The following PCDH9 variants were observed in gnomAD, a reference collection of about 807,000 sequenced individuals.
PCDH9 encodes protocadherin 9, also known as protocadherin-9.
In PCDH9, 24 loss-of-function variants were observed where a neutral mutation model predicts 70.6. That is an observed-to-expected ratio of 0.34 (90% confidence interval 0.25 to 0.48). The LOEUF (loss-of-function observed/expected upper bound fraction) is 0.48, where lower values mean the gene tolerates loss of function less well. PCDH9 is among the 20% of genes least tolerant of loss of function. PCDH9 has a pLI of 0.99. For synonymous variants in PCDH9, 562 were observed against 558.5 expected (o/e 1.01, Z -0.09); for missense variants, 1,281 against 1,503.6 (o/e 0.85, Z 2.45).
At chr13:67,024,970 G>A (rs2084750806) in intron 2 of PCDH9, among the ~76,000 whole-genome samples, 1 of 152,052 alleles carries the variant, frequency 6.6e-6, no homozygotes, top group South Asian at 2.1e-4. Flanking sequence ...TAACCAATAT[G>A]TATGTCACAA....
At chr13:66,802,307 T>C (rs2080339609) in intron 3 of PCDH9, among the ~76,000 whole-genome samples, 1 of 152,040 alleles carries the variant, frequency 6.6e-6, no homozygotes, top group Non-Finnish European at 1.5e-5. Flanking sequence ...ATATAATATG[T>C]TGTGAACAGT....
At chr13:66,597,738 A>G (rs1369087714) in intron 4 of PCDH9, among the ~76,000 whole-genome samples, 7 of 151,790 alleles carry the variant, frequency 4.6e-5, no homozygotes, top group Non-Finnish European at 1.0e-4. Flanking sequence ...TGAGACTACA[A>G]CAAACTAAAA....
intron 3 of PCDH9, among the ~76,000 whole-genome samples, chr13:66,896,946 C>T (rs2082190446): frequency 6.6e-6 from 1 of 152,166 alleles, no homozygotes; most frequent in African/African-American, 2.4e-5. Flanking sequence ...TGATCATTCA[C>T]TTTGTAAACT....
At chr13:66,973,939 T>G (rs1033830692) in intron 2 of PCDH9, among the ~76,000 whole-genome samples, 3 of 152,034 alleles carry the variant, frequency 2.0e-5, no homozygotes, top group African/African-American at 7.2e-5. Flanking sequence ...TTTGTTTAGT[T>G]ACAATAGAAT....
chr13:66,737,734 C>T (rs1019662602), intron 3 of PCDH9, among the ~76,000 whole-genome samples: 7 of 152,136 alleles, frequency 4.6e-5, no homozygotes, highest in Non-Finnish European at 1.0e-4. Flanking sequence ...AAAGGGGTGA[C>T]GGACGCACCT....
intron 2 of PCDH9, among the ~76,000 whole-genome samples, chr13:67,097,985 C>G (rs1222759392): frequency 6.6e-6 from 1 of 152,152 alleles, no homozygotes; most frequent in Non-Finnish European, 1.5e-5. Context: ...AGCAGTTCTT[C>G]AAAGACCATT....
At chr13:66,752,008 A>T (rs1402776215) in intron 3 of PCDH9, among the ~76,000 whole-genome samples, 1 of 152,188 alleles carries the variant, frequency 6.6e-6, no homozygotes, top group Non-Finnish European at 1.5e-5. Context: ...ATTTACTATG[A>T]TTAAGGAGAC....
intron 3 of PCDH9, among the ~76,000 whole-genome samples, chr13:66,668,774 A>G (rs2078131637): frequency 6.6e-6 from 1 of 152,250 alleles, no homozygotes; most frequent in East Asian, 1.9e-4. Flanking sequence ...GCAAAGATAT[A>G]TGTTGAAGGT....
At chr13:66,800,791 T>C (rs762379508) in intron 3 of PCDH9, among the ~76,000 whole-genome samples, 1 of 152,102 alleles carries the variant, frequency 6.6e-6, no homozygotes, top group Non-Finnish European at 1.5e-5. Flanking sequence ...TTTACAAACA[T>C]ATTTAACAAT....
chr13:66,859,376 G>A lies in PCDH9; in HGVS notation c.3138+44128C>T, dbSNP rs536261858. Among the ~76,000 whole-genome samples the A allele has an allele frequency of 2.6e-5, 4 of 152,140 alleles. No individual in the cohort carries two copies. In the East Asian group the frequency reaches 7.7e-4, roughly 29 times the overall value. ...TTAGTGTTTGTATTTGAACAAGAAG[G>A]GCCTTTTAAATGCCAACTCTTAACT... On this transcript the variant is annotated intron_variant, in intron 3 of 4. Coordinates refer to ENST00000377865, the MANE Select transcript of PCDH9 (RefSeq NM_203487.3).
At chr13:66,661,960 G>T (rs1199426627) in intron 3 of PCDH9, among the ~76,000 whole-genome samples, 1 of 152,048 alleles carries the variant, frequency 6.6e-6, no homozygotes, top group Admixed American at 6.6e-5. Context: ...TTTCCCACAG[G>T]TTAATATTGT....
chr13:66,500,045 TA>T (rs1195130661), intron 4 of PCDH9, among the ~76,000 whole-genome samples: 1 of 152,224 alleles, frequency 6.6e-6, no homozygotes, highest in East Asian at 1.9e-4. Flanking sequence ...CTTTTATTTG[TA>T]AATTACCCAG....
intron 2 of PCDH9, among the ~76,000 whole-genome samples, chr13:66,923,315 T>C (rs2139647220): frequency 6.6e-6 from 1 of 151,586 alleles, no homozygotes; most frequent in South Asian, 2.1e-4. Flanking sequence ...AAAAGTAAAA[T>C]GAGAAAAACA....
At chr13:66,619,039 G>C (rs760597304) in intron 4 of PCDH9, among the ~76,000 whole-genome samples, 1 of 152,090 alleles carries the variant, frequency 6.6e-6, no homozygotes, top group Non-Finnish European at 1.5e-5. Context: ...AATATTCAAA[G>C]ATAATTCTTT....
chr13:66,973,331 T>C (rs1471430458), intron 2 of PCDH9, among the ~76,000 whole-genome samples: 3 of 151,988 alleles, frequency 2.0e-5, no homozygotes, highest in African/African-American at 7.2e-5. Flanking sequence ...TTTTTAATCC[T>C]TTCTAGTAAC....
At chr13:66,532,165 TG>T (rs938230071) in intron 4 of PCDH9, among the ~76,000 whole-genome samples, 7 of 140,782 alleles carry the variant, frequency 5.0e-5, no homozygotes, top group Middle Eastern at 3.3e-3. Context: ...TATTTTTTAG[TG>T]GTTTTTTTTT....
chr13:67,096,556 T>A (rs1038983305), intron 2 of PCDH9, among the ~76,000 whole-genome samples: 2 of 152,120 alleles, frequency 1.3e-5, no homozygotes, highest in African/African-American at 4.8e-5. Context: ...ATTAATTACA[T>A]CAGGTTGGTG....
intron 2 of PCDH9, among the ~76,000 whole-genome samples, chr13:67,156,600 A>G (rs552904643): frequency 2.6e-5 from 4 of 152,258 alleles, no homozygotes; most frequent in African/African-American, 7.2e-5. Flanking sequence ...CTTCCACTCA[A>G]TAAAAGCTTG....
At chr13:66,697,464 A>G in intron 3 of PCDH9, among the ~76,000 whole-genome samples, 1 of 152,212 alleles carries the variant, frequency 6.6e-6, no homozygotes, top group East Asian at 1.9e-4. Flanking sequence ...GCCATATTCT[A>G]TATTTCCCTG....
Sources: gnomAD v4.1 joint callset for allele counts (sites outside exome capture counted in the v4.1 genomes callset) on GRCh38, gnomAD v4.1.1 for gene constraint, MANE v1.5 for transcripts, NCBI Gene and HGNC (gene_info 2026-07-23, HGNC 2026-07-21) for gene names.